TTBK1: variants seen among roughly 807,000 people sequenced by gnomAD.
TTBK1 encodes tau-tubulin kinase 1.
Under a neutral mutation model 108.5 loss-of-function variants are expected in TTBK1, and 34 were observed. That is an observed-to-expected ratio of 0.31 (90% CI 0.24 to 0.42). The LOEUF (loss-of-function observed/expected upper bound fraction) is 0.42, where lower values mean the gene tolerates loss of function less well. TTBK1 is among the 10% of genes least tolerant of loss of function. The pLI is 1.00. For synonymous variants in TTBK1, 809 were observed against 795.1 expected (o/e 1.02, Z -0.29); for missense variants, 1,539 against 1,826.0 (o/e 0.84, Z 2.86).
intron 13 of TTBK1, chr6:43,270,108 T>C (rs1412423146): frequency 7.2e-7 from 1 of 1,386,428 alleles, no homozygotes; most frequent in Non-Finnish European, 9.3e-7. Flanking sequence ...CCCAAGGTAC[T>C]GTAATACTCC....
Position 43,283,091 on chromosome 6 carries a change from C to A in TTBK1, c.2351C>A (p.Pro784His), listed in dbSNP as rs1200919829. 1 of 1,582,834 alleles carries A rather than the reference C, an allele frequency of 6.3e-7. No homozygotes were observed. Among genetic ancestry groups the A allele is most frequent in the South Asian group, 1.1e-5 (1 of 87,040 alleles). ...GTTGCCTTGGGGGAGGTGCTGGGGCCTCGTAGTGGCTCCAGCAGTGAGGGG... is the reference window on the plus strand; with the variant it reads ...GTTGCCTTGGGGGAGGTGCTGGGGCATCGTAGTGGCTCCAGCAGTGAGGGG... ...AAVALGEVLG[P>H]RSGSSSEGSE... Residue 784 changes from proline to histidine, a missense_variant, in exon 14 of 15, where the codon CCT (proline) becomes CAT (histidine). Physicochemically the swap from Pro to His is moderately conservative, Grantham distance 77. Transcript: ENST00000259750. This position sits in a 1 kb window ranked among gnomAD's most constrained non-coding sequence, Gnocchi z 8.1.
chr6:43,264,141 G>A (rs1020545074), intron 13 of TTBK1, among the ~76,000 whole-genome samples: 11 of 152,292 alleles, frequency 7.2e-5, no homozygotes, highest in South Asian at 2.1e-4. Context: ...CAGCAATTTG[G>A]GAGGCCAAGG....
At position 43,265,559 on chromosome 6, in the gene TTBK1, C is replaced by T. The variant is rs1189285455; in HGVS notation, c.1986+2209C>T. 6.6e-6 allele frequency among the ~76,000 whole-genome samples: 1 copy of T among 152,238 alleles called. No homozygotes were observed. Among genetic ancestry groups the T allele is most frequent in the Non-Finnish European group, 1.5e-5 (1 of 68,044 alleles). ...CTGGCACCATTGCGTTGTAACTAGC[C>T]ATTGCTCCCACCACACCCAGCACCA... On this transcript the variant is annotated intron_variant, in intron 13 of 14. Transcript: ENST00000259750. The surrounding 1 kb of genome is among the most constrained non-coding windows in gnomAD (Gnocchi z 4.1).
Position 43,259,368 on chromosome 6 carries a change from C to G in TTBK1, c.1248+99C>G. On this transcript the variant is annotated intron_variant, in intron 11 of 14. Coordinates refer to ENST00000259750, the MANE Select transcript of TTBK1 (RefSeq NM_032538.3). The surrounding 1 kb of genome is among the most constrained non-coding windows in gnomAD (Gnocchi z 6.7). The stretch of plus-strand genomic sequence containing the variant: ...CTGTTCCTCCTAAGCACCCTGTCCC[C>G]GGCCATCTGCCTGCTTGCCCTGCCT... 1 of 1,275,300 alleles carries G rather than the reference C, an allele frequency of 7.8e-7. No homozygotes were observed. The highest frequency in any genetic ancestry group is 1.5e-5 in the South Asian group (1 of 66,172). 79.0% of individuals were successfully genotyped at this position (1,275,300 alleles called of 1,614,324 possible).
At position 43,287,378 on chromosome 6, in the gene TTBK1, C is replaced by T. The variant is rs368269819; in HGVS notation, c.*2002C>T. The T allele has an allele frequency of 1.2e-3, 184 of 152,950 alleles. No individual in the cohort carries two copies. Among genetic ancestry groups the T allele is most frequent in the Non-Finnish European group, 2.3e-3 (159 of 68,232 alleles). The allele number at this position is 152,950 out of a possible 1,614,324, so 9.5% of individuals were successfully genotyped here. On this transcript the variant is annotated 3_prime_UTR_variant, in exon 15 of 15. Transcript: ENST00000259750. This position sits in a 1 kb window ranked among gnomAD's most constrained non-coding sequence, Gnocchi z 4.1. Reference sequence around the variant, plus strand: ...GCCTGCTCCTTGCCACCAACCGAACCGTGAATGTAGGGCCCCCAGCCTCAC... The same window carrying T: ...GCCTGCTCCTTGCCACCAACCGAACTGTGAATGTAGGGCCCCCAGCCTCAC...
chr6:43,261,425 C>G (rs887242910), intron 12 of TTBK1, among the ~76,000 whole-genome samples: 2 of 152,194 alleles, frequency 1.3e-5, no homozygotes, highest in Admixed American at 6.5e-5. Context: ...CCTCCCCACA[C>G]ACACACTACT....
intron 13 of TTBK1, among the ~76,000 whole-genome samples, chr6:43,266,560 A>G (rs1777680592): frequency 6.6e-6 from 1 of 152,186 alleles, no homozygotes; most frequent in Admixed American, 6.5e-5. Context: ...ACTTGAACCC[A>G]GGCAACTCGT....
At position 43,283,746 on chromosome 6, in the gene TTBK1, C is replaced by G. The variant is rs1313767709; in HGVS notation, c.3006C>G (p.Pro1002=). ...EIEGSALSGA[P]RETPSEMATN... The stretch of plus-strand genomic sequence containing the variant: ...AGGGCTCTGCCCTGTCTGGGGCCCC[C>G]CGGGAAACCCCCTCAGAGATGGCCA... Residue 1002 remains proline, a synonymous_variant, in exon 14 of 15, where the codon CCC becomes CCG. Transcript: ENST00000259750. The surrounding 1 kb of genome is among the most constrained non-coding windows in gnomAD (Gnocchi z 8.1). The G allele has an allele frequency of 1.2e-6, 2 of 1,613,634 alleles. No individual in the cohort carries two copies. Among genetic ancestry groups the G allele is most frequent in the Admixed American group, 1.7e-5 (1 of 60,004 alleles).
Position 43,285,577 on chromosome 6 carries a change from C to A in TTBK1, c.*201C>A. ...CCTTAGGGCCCGTGGGGGACGCGGC[C>A]CCGCGCCGCGGGGAGGGTCTGCCTC... On this transcript the variant is annotated 3_prime_UTR_variant, in exon 15 of 15. Coordinates refer to ENST00000259750, the MANE Select transcript of TTBK1 (RefSeq NM_032538.3). This position sits in a 1 kb window ranked among gnomAD's most constrained non-coding sequence, Gnocchi z 4.7. The A allele has an allele frequency of 5.1e-6, 3 of 582,932 alleles. No homozygotes were observed. The highest frequency in any genetic ancestry group is 7.4e-6 in the Non-Finnish European group (3 of 407,866). 36.1% of individuals were successfully genotyped at this position (582,932 alleles called of 1,614,324 possible).
intron 7 of TTBK1, 83 bp from the exon 8 acceptor site, chr6:43,255,469 A>G (rs1777358181): frequency 7.7e-7 from 1 of 1,301,352 alleles, no homozygotes; most frequent in Middle Eastern, 2.6e-4. Context: ...CCTCCCTGAC[A>G]GATGCCCCTC....
chr6:43,276,284 A>ACACACG lies in TTBK1; in HGVS notation c.1987-6436_1987-6431dup, dbSNP rs1303455860. Among the ~76,000 whole-genome samples, 2 of 152,178 alleles carry ACACACG rather than the reference A, an allele frequency of 1.3e-5. No homozygotes were observed. The highest frequency in any genetic ancestry group is 2.9e-5 in the Non-Finnish European group (2 of 68,030). On this transcript the variant is annotated intron_variant, in intron 13 of 14. Coordinates refer to ENST00000259750, the MANE Select transcript of TTBK1 (RefSeq NM_032538.3). The surrounding 1 kb of genome is among the most constrained non-coding windows in gnomAD (Gnocchi z 5.4). ...AAACCACACACACGCTCACACGCAC[A>ACACACG]CACACGCACACGAAGATGGGACGCT...
In TTBK1 at chr6:43,287,287, C is replaced by A. The variant is rs139746311; in HGVS notation, c.*1911C>A. 199 of 152,744 alleles carry A rather than the reference C, an allele frequency of 1.3e-3. 3 individuals are homozygous for A. Among genetic ancestry groups the A allele is most frequent in the Non-Finnish European group, 1.2e-4 (8 of 68,048 alleles). The allele number at this position is 152,744 out of a possible 1,614,324, so 9.5% of individuals were successfully genotyped here. A position where few individuals can be genotyped will look rare whatever the true frequency, so the allele number is the denominator to read the frequency against. On this transcript the variant is annotated 3_prime_UTR_variant, in exon 15 of 15. Coordinates refer to ENST00000259750, the MANE Select transcript of TTBK1 (RefSeq NM_032538.3). The surrounding 1 kb of genome is among the most constrained non-coding windows in gnomAD (Gnocchi z 4.1). ...GGCCACTGCCTCCCACCTAGAGCTT[C>A]TCCGAATGACAATCAGCTCGTGCCA...
rs3800298 is a variant in TTBK1 at position 43,284,291 on chromosome 6, T to C, written c.3551T>C (p.Leu1184Ser). 408,868 of 1,577,604 alleles carry C rather than the reference T, an allele frequency of 0.26. 56,199 individuals are homozygous for C. The highest frequency in any genetic ancestry group is 0.51 in the African/African-American group (37,807 of 74,494). ...AGATCCCATGGCGCGGCCCCAGCAT[T>C]GGACACAGCCATCACCAGCAGGTGA... is the stretch of plus-strand genomic sequence containing the variant. ...ASRSHGAAPALDTAITSRLQL... is the reference protein window; with the variant it reads ...ASRSHGAAPASDTAITSRLQL... Residue 1184 changes from leucine (L) to serine (S), a missense_variant, in exon 14 of 15, where the codon TTG (leucine) becomes TCG (serine). Coordinates refer to ENST00000259750, the MANE Select transcript of TTBK1 (RefSeq NM_032538.3).
Position 43,282,146 on chromosome 6 carries a change from T to C in TTBK1, c.1987-581T>C, listed in dbSNP as rs1778181726. Among the ~76,000 whole-genome samples the C allele has an allele frequency of 6.6e-6, 1 of 152,190 alleles. No homozygotes were observed. The highest frequency in any genetic ancestry group is 2.1e-4 in the South Asian group (1 of 4,830). ...GTAGAGGACAGCCCCGCCTTTGCCC[T>C]TGTCCAGCACAGGATCTGGTGGCCC... On this transcript the variant is annotated intron_variant, in intron 13 of 14. Transcript: ENST00000259750. This position sits in a 1 kb window ranked among gnomAD's most constrained non-coding sequence, Gnocchi z 5.4.
At position 43,273,240 on chromosome 6, in the gene TTBK1, A is replaced by G. The variant is rs1777881917; in HGVS notation, c.1987-9487A>G. On this transcript the variant is annotated intron_variant, in intron 13 of 14. Coordinates refer to ENST00000259750, the MANE Select transcript of TTBK1 (RefSeq NM_032538.3). This position sits in a 1 kb window ranked among gnomAD's most constrained non-coding sequence, Gnocchi z 4.2. ...GTTTGTGAAACATCTTGGTCTATGT[A>G]TTGGTTGATTGATTGTCCTTTGCGG... Among the ~76,000 whole-genome samples, 1 of 152,154 alleles carries G rather than the reference A, an allele frequency of 6.6e-6. No homozygotes were observed. The highest frequency in any genetic ancestry group is 2.4e-5 in the African/African-American group (1 of 41,432).
rs1182579899 is a variant in TTBK1, at chr6:43,283,149, T to C, written c.2409T>C (p.Gly803=). The change falls in exon 14 of 15, where the codon GGT becomes GGC. Residue 803 remains glycine, a synonymous_variant. Transcript: ENST00000259750. The surrounding 1 kb of genome is among the most constrained non-coding windows in gnomAD (Gnocchi z 8.1). ...GGAGCACTGACCGGAGCCAGGAGGG[T>C]GCCCCGTCCACGCTGCTGGCAGACG... is the stretch of plus-strand genomic sequence containing the variant. ...SERSTDRSQE[G]APSTLLADDQ... 2 of 1,565,306 alleles carry C rather than the reference T, an allele frequency of 1.3e-6. No individual in the cohort carries two copies. Among genetic ancestry groups the C allele is most frequent in the Non-Finnish European group, 1.7e-6 (2 of 1,156,088 alleles).
At chr6:43,261,808 CAA>C (rs11409412) in intron 12 of TTBK1, among the ~76,000 whole-genome samples, 10,111 of 85,806 alleles carry the variant, frequency 0.12, 387 homozygotes, top group Admixed American at 0.16. Context: ...GATTCTGTCT[CAA>C]AAAAAAAAAA....
At chr6:43,262,079 G>A (rs1037478082) in intron 12 of TTBK1, among the ~76,000 whole-genome samples, 1 of 152,200 alleles carries the variant, frequency 6.6e-6, no homozygotes, top group Non-Finnish European at 1.5e-5. Context: ...CAGGCTGTGT[G>A]TGGGGAGAGG....
chr6:43,247,344 G>T (rs1015887831), intron 2 of TTBK1, among the ~76,000 whole-genome samples: 4 of 152,202 alleles, frequency 2.6e-5, no homozygotes, highest in Admixed American at 6.5e-5. Flanking sequence ...TGCTCGGCCT[G>T]CTGGGAGTTG....
Sources: allele counts gnomAD v4.1 joint callset (sites outside exome capture counted in the v4.1 genomes callset), GRCh38; gene constraint gnomAD v4.1.1; non-coding constraint Gnocchi (gnomAD v3.1); transcripts MANE v1.5; gene names NCBI Gene and HGNC (gene_info 2026-07-23, HGNC 2026-07-21).